Variants in PID1 observed in about 807,000 individuals in gnomAD.
PID1 encodes PTB-containing, cubilin and LRP1-interacting protein.
Under a neutral mutation model 19.1 loss-of-function variants are expected in PID1, and 10 were observed. The observed-to-expected ratio is 0.52, with a 90% CI of 0.32 to 0.89. The LOEUF (loss-of-function observed/expected upper bound fraction) is 0.89, where lower values mean the gene tolerates loss of function less well. Among genes scored for constraint, PID1 ranks in the 40% least tolerant of loss-of-function variants. The pLI is 0.03. For synonymous variants in PID1, 130 were observed against 116.0 expected, an observed-to-expected ratio of 1.12 and a Z score of -0.78; for missense variants, 248 against 285.3, an observed-to-expected ratio of 0.87 and a Z score of 0.94.
chr2:229,035,303 T>C (rs959998632), intron 2 of PID1, among the ~76,000 whole-genome samples: 1 of 152,184 alleles, frequency 6.6e-6, no homozygotes, highest in Non-Finnish European at 1.5e-5. Context: ...GCTTCTAGAC[T>C]GATTTCTGAC....
chr2:229,239,394 C>G (rs1226994), intron 1 of PID1, among the ~76,000 whole-genome samples: 15 of 151,976 alleles, frequency 9.9e-5, no homozygotes, highest in Admixed American at 9.2e-4. Context: ...GGGAAAAACA[C>G]AGAGAGAGGA....
intron 1 of PID1, among the ~76,000 whole-genome samples, chr2:229,240,252 C>T (rs182367874): frequency 3.3e-5 from 5 of 152,020 alleles, no homozygotes; most frequent in African/African-American, 4.8e-5. Flanking sequence ...TATTTCCAGA[C>T]GTGTTTTACA....
At chr2:229,112,815 C>T (rs74327023) in intron 2 of PID1, among the ~76,000 whole-genome samples, 16 of 152,086 alleles carry the variant, frequency 1.1e-4, no homozygotes, top group Non-Finnish European at 1.9e-4. Flanking sequence ...AAATGAGTCA[C>T]TGTCTTTCTC....
intron 2 of PID1, among the ~76,000 whole-genome samples, chr2:229,052,698 C>T (rs1694019708): frequency 6.8e-6 from 1 of 147,166 alleles, no homozygotes; most frequent in African/African-American, 2.6e-5. Context: ...GGGAAATGTT[C>T]ATTTCAAGCA....
At chr2:229,162,706 A>G (rs924273918) in intron 1 of PID1, among the ~76,000 whole-genome samples, 1 of 152,214 alleles carries the variant, frequency 6.6e-6, no homozygotes, top group Non-Finnish European at 1.5e-5. Flanking sequence ...ATTTATAATC[A>G]TGCTTCATTT....
At chr2:229,161,678 G>A (rs1436681893) in intron 1 of PID1, among the ~76,000 whole-genome samples, 1 of 152,150 alleles carries the variant, frequency 6.6e-6, no homozygotes, top group Admixed American at 6.5e-5. Context: ...ACGGTCCCCA[G>A]GTTATCCATA....
At chr2:229,256,069 G>A (rs1300913460) in intron 1 of PID1, among the ~76,000 whole-genome samples, 3 of 152,142 alleles carry the variant, frequency 2.0e-5, no homozygotes, top group Non-Finnish European at 2.9e-5. Flanking sequence ...AACTTGAGAG[G>A]CAGCTTTTAC....
intron 2 of PID1, among the ~76,000 whole-genome samples, chr2:229,107,870 C>T (rs1388694141): frequency 6.6e-6 from 1 of 152,142 alleles, no homozygotes; most frequent in Non-Finnish European, 1.5e-5. Flanking sequence ...TGCATTTTGA[C>T]AAGAGTCCCA....
At chr2:229,243,240 G>A (rs1271587461) in intron 1 of PID1, among the ~76,000 whole-genome samples, 1 of 152,040 alleles carries the variant, frequency 6.6e-6, no homozygotes, top group Non-Finnish European at 1.5e-5. Context: ...AGAACAGCAT[G>A]GGAAAGACTC....
At chr2:229,136,972 C>A (rs1221851346) in intron 2 of PID1, among the ~76,000 whole-genome samples, 1 of 152,138 alleles carries the variant, frequency 6.6e-6, no homozygotes, top group Non-Finnish European at 1.5e-5. Context: ...AAATCCAACT[C>A]CCTTAAGGCA....
At chr2:229,153,437 G>T (rs1439626933) in intron 2 of PID1, among the ~76,000 whole-genome samples, 1 of 152,146 alleles carries the variant, frequency 6.6e-6, no homozygotes, top group African/African-American at 2.4e-5. Flanking sequence ...ACTTTATATA[G>T]CCCGGTGGAA....
At position 229,083,547 on chromosome 2, in the gene PID1, T is replaced by C. The variant is rs190812740; in HGVS notation, c.178-57439A>G. On this transcript the variant is annotated intron_variant, in intron 2 of 2. Coordinates refer to ENST00000392055, the MANE Select transcript of PID1 (RefSeq NM_001100818.2). The stretch of plus-strand genomic sequence containing the variant: ...AGAAAAACATCTGTTATTTGAGAAA[T>C]AACTGAAAAGGATGACACCAGCAAA... Among the ~76,000 whole-genome samples the C allele has an allele frequency of 4.4e-3, 672 of 152,264 alleles. 4 individuals are homozygous for C. The highest frequency in any genetic ancestry group is 7.4e-3 in the Non-Finnish European group (500 of 68,016).
At chr2:229,266,318 A>C (rs1690590731) in intron 1 of PID1, among the ~76,000 whole-genome samples, 1 of 151,950 alleles carries the variant, frequency 6.6e-6, no homozygotes, top group Non-Finnish European at 1.5e-5. Flanking sequence ...AATCCACCCT[A>C]ATCACCGGCT....
intron 1 of PID1, among the ~76,000 whole-genome samples, chr2:229,170,531 A>G (rs1690690076): frequency 6.6e-6 from 1 of 152,190 alleles, no homozygotes; most frequent in Non-Finnish European, 1.5e-5. Flanking sequence ...GTGTAAAAAC[A>G]TATATACAAA....
intron 2 of PID1, among the ~76,000 whole-genome samples, chr2:229,131,482 C>T (rs1687585698): frequency 6.6e-6 from 1 of 152,192 alleles, no homozygotes; most frequent in Admixed American, 6.5e-5. Flanking sequence ...CCACCCATCT[C>T]AGCCTCCCGA....
chr2:229,266,689 G>A (rs1020141527), intron 1 of PID1, among the ~76,000 whole-genome samples: 8 of 152,184 alleles, frequency 5.3e-5, no homozygotes, highest in East Asian at 3.8e-4. Context: ...GCTGCTCAAC[G>A]CTGGCCAAAT....
intron 1 of PID1, among the ~76,000 whole-genome samples, chr2:229,254,964 G>A (rs796210128): frequency 6.6e-6 from 1 of 152,296 alleles, no homozygotes; most frequent in African/African-American, 2.4e-5. Flanking sequence ...GGTTTAAAAG[G>A]TGCTACAGGA....
At chr2:229,129,439 G>A (rs1689672762) in intron 2 of PID1, among the ~76,000 whole-genome samples, 1 of 150,984 alleles carries the variant, frequency 6.6e-6, no homozygotes, top group African/African-American at 2.4e-5. Context: ...AAGAGAGAGA[G>A]AGGCTCATTT....
At chr2:229,228,872 G>C (rs1042517465) in intron 1 of PID1, among the ~76,000 whole-genome samples, 3 of 152,176 alleles carry the variant, frequency 2.0e-5, no homozygotes, top group Admixed American at 6.5e-5. Context: ...AGCAACACAG[G>C]AGTTTTGAAG....
Sources: allele counts gnomAD v4.1 joint callset (sites outside exome capture counted in the v4.1 genomes callset), GRCh38; gene constraint gnomAD v4.1.1; transcripts MANE v1.5; gene names NCBI Gene and HGNC (gene_info 2026-07-23, HGNC 2026-07-21).